Variants in TMEM260 observed in about 807,000 individuals in gnomAD.
TMEM260 encodes the protein transmembrane protein 260, also known as protein O-mannosyl-transferase TMEM260.
Under a neutral mutation model 88.9 loss-of-function variants are expected in TMEM260, and 82 were observed. That is an observed-to-expected ratio of 0.92 (90% CI 0.77 to 1.11). TMEM260 has a LOEUF of 1.11. TMEM260 is among the 50% of genes least tolerant of loss of function. The pLI is 0.00. For synonymous variants in TMEM260, 314 were observed against 309.3 expected, an observed-to-expected ratio of 1.02 and a Z score of -0.16; for missense variants, 902 against 853.4, an observed-to-expected ratio of 1.06 and a Z score of -0.71.
At chr14:56,621,850 AATAT>A (rs1887944769) in intron 11 of TMEM260, 148 bp downstream of exon 11, 1 of 580,902 alleles carries the variant, frequency 1.7e-6, no homozygotes, top group South Asian at 3.9e-5. Flanking sequence ...TGTTAGGTAG[AATAT>A]ATATGGGCAT....
At chr14:56,662,652 C>T in the TMEM260 span, among the ~76,000 whole-genome samples, 23 of 152,342 alleles carry the variant, frequency 1.5e-4, no homozygotes, top group African/African-American at 3.8e-4. Flanking sequence ...AAACTATCTC[C>T]GACTAGGCTT....
chr14:56,614,354 A>G (rs1212537319), intron 7 of TMEM260, among the ~76,000 whole-genome samples: 1 of 151,962 alleles, frequency 6.6e-6, no homozygotes, highest in African/African-American at 2.4e-5. Flanking sequence ...CAGCCTAGGC[A>G]ACAGAGTGAG....
At chr14:56,615,436 A>G (rs1319859207) in intron 7 of TMEM260, 1 of 152,230 alleles carries the variant, frequency 6.6e-6, no homozygotes, top group African/African-American at 2.4e-5. Flanking sequence ...AACAAATAAT[A>G]TAGAAAACAA....
intron 12 of TMEM260, among the ~76,000 whole-genome samples, chr14:56,626,454 G>C (rs1206554011): frequency 2.0e-5 from 3 of 152,114 alleles, no homozygotes; most frequent in African/African-American, 7.2e-5. Flanking sequence ...CTTGTATTAG[G>C]CTCCAGCAGT....
intron 9 of TMEM260, 96 bp from the exon 10 acceptor site, chr14:56,618,498 A>G: frequency 1.8e-6 from 2 of 1,126,980 alleles, no homozygotes; most frequent in Non-Finnish European, 2.6e-6. Flanking sequence ...GGCACACACA[A>G]CTAGGTGCAT....
downstream of TMEM260, among the ~76,000 whole-genome samples, chr14:56,654,144 CCCTTT>C (rs1890258934): frequency 6.6e-6 from 1 of 152,100 alleles, no homozygotes; most frequent in Non-Finnish European, 1.5e-5. Context: ...AATTTTTTTC[CCCTTT>C]CCTTTTAGAC....
intron 12 of TMEM260, among the ~76,000 whole-genome samples, chr14:56,627,828 A>G (rs936289218): frequency 6.6e-6 from 1 of 152,126 alleles, no homozygotes; most frequent in Non-Finnish European, 1.5e-5. Flanking sequence ...CCGTGTATAC[A>G]TTTGTGTAAC....
At chr14:56,604,097 G>C in intron 4 of TMEM260, 105 bp downstream of exon 4, 1 of 1,131,886 alleles carries the variant, frequency 8.8e-7, no homozygotes, top group Non-Finnish European at 1.2e-6. Flanking sequence ...TCTGATTACA[G>C]TCGGGATAAT....
At chr14:56,638,177 C>T (rs1365847358) in intron 15 of TMEM260, 1 of 151,352 alleles carries the variant, frequency 6.6e-6, no homozygotes, top group South Asian at 2.1e-4. Flanking sequence ...AGACACCCCA[C>T]TTGAGGATAG....
At chr14:56,588,980 A>G (rs949406845) in intron 3 of TMEM260, among the ~76,000 whole-genome samples, 1 of 152,170 alleles carries the variant, frequency 6.6e-6, no homozygotes, top group South Asian at 2.1e-4. Context: ...ATAAAATTTT[A>G]AAGTTATAGG....
chr14:56,584,989 A>AT lies in TMEM260; in HGVS notation c.161-6dup, dbSNP rs766936512. 1 of 1,609,464 alleles carries AT rather than the reference A, an allele frequency of 6.2e-7. No individual in the cohort carries two copies. The highest frequency in any genetic ancestry group is 1.7e-5 in the Admixed American group (1 of 59,126). ...TAATAGTAATTATTGGTTTTACATT[A>AT]TTTTTTCACAGGGGAACTGATCACA... On this transcript the variant is annotated splice_polypyrimidine_tract_variant and intron_variant, in intron 1 of 15. Transcript: ENST00000261556.
At chr14:56,662,866 G>A in the TMEM260 span, among the ~76,000 whole-genome samples, 27 of 152,312 alleles carry the variant, frequency 1.8e-4, no homozygotes, top group Admixed American at 1.6e-3. Context: ...CCCTGGCTAC[G>A]CCTGTAATCC....
At chr14:56,661,210 C>A in the TMEM260 span, among the ~76,000 whole-genome samples, 5 of 150,202 alleles carry the variant, frequency 3.3e-5, no homozygotes, top group South Asian at 1.1e-3. Context: ...GTCTGGAATC[C>A]TGGTGGTCGC....
chr14:56,614,157 C>T (rs1887457360), intron 7 of TMEM260, among the ~76,000 whole-genome samples: 1 of 150,882 alleles, frequency 6.6e-6, no homozygotes, highest in Non-Finnish European at 1.5e-5. Flanking sequence ...GATCCACCTG[C>T]CTCGGCCTCC....
intron 5 of TMEM260, among the ~76,000 whole-genome samples, chr14:56,608,437 T>G (rs1028134406): frequency 6.6e-6 from 1 of 152,198 alleles, no homozygotes; most frequent in African/African-American, 2.4e-5. Context: ...TATTGTCCTT[T>G]AAGAAAAGTA....
intron 11 of TMEM260, 39 bp from the exon 12 acceptor site, chr14:56,625,343 A>G (rs956483998): frequency 3.1e-6 from 5 of 1,596,342 alleles, no homozygotes; most frequent in Non-Finnish European, 3.4e-6. Flanking sequence ...TCTAAGAAAT[A>G]TATTAAAAGT....
At chr14:56,631,835 A>G (rs955727586) in intron 12 of TMEM260, among the ~76,000 whole-genome samples, 1 of 152,082 alleles carries the variant, frequency 6.6e-6, no homozygotes, top group African/African-American at 2.4e-5. Context: ...GTTTCTATCT[A>G]TCTGTTGGGA....
At chr14:56,636,386 A>G (rs1889073285) in intron 14 of TMEM260, 122 bp from the exon 15 acceptor site, 7 of 741,624 alleles carry the variant, frequency 9.4e-6, no homozygotes, top group Non-Finnish European at 1.6e-5. Context: ...GAGAGAATTG[A>G]AAATAATACA....
chr14:56,583,931 G>A (rs1885304972), intron 1 of TMEM260, among the ~76,000 whole-genome samples: 5 of 151,936 alleles, frequency 3.3e-5, no homozygotes, highest in African/African-American at 9.7e-5. Flanking sequence ...TCTGAACTTC[G>A]TTCAGTAAGC....
Sources: allele counts gnomAD v4.1 joint callset (sites outside exome capture counted in the v4.1 genomes callset), GRCh38; gene constraint gnomAD v4.1.1; transcripts MANE v1.5; gene names NCBI Gene and HGNC (gene_info 2026-07-23, HGNC 2026-07-21).